DYNC2H1: variants seen among roughly 807,000 people sequenced by gnomAD.
DYNC2H1 encodes dynein cytoplasmic 2 heavy chain 1.
DYNC2H1 carries 410 observed loss-of-function variants against 570.0 expected under a neutral mutation model. The ratio of observed to expected loss-of-function variants is 0.72; its 90% CI spans 0.66 to 0.78. The LOEUF is 0.78. Among genes scored for constraint, DYNC2H1 ranks in the 30% least tolerant of loss-of-function variants. The pLI, the probability that DYNC2H1 is intolerant of heterozygous loss-of-function variation, is 0.00. For synonymous variants in DYNC2H1, 1,688 were observed against 1,677.6 expected, an observed-to-expected ratio of 1.01 and a Z score of -0.15; for missense variants, 4,865 against 5,046.4, an observed-to-expected ratio of 0.96 and a Z score of 1.09.
Position 103,135,818 on chromosome 11 carries a change from G to C in DYNC2H1, c.2444G>C (p.Gly815Ala). The C allele has an allele frequency of 6.2e-7, 1 of 1,613,298 alleles. No individual in the cohort carries two copies. Among genetic ancestry groups the C allele is most frequent in the Non-Finnish European group, 8.5e-7 (1 of 1,179,634 alleles). The change falls in exon 17 of 89, where the codon GGA becomes GCA. Residue 815 changes from glycine (G) to alanine (A), a missense_variant. Physicochemically the swap from Gly to Ala is moderately conservative, Grantham distance 60 (BLOSUM62 0). This residue lies in a region of DYNC2H1 where 1,936 missense variants were observed against 1,962.1 expected (regional missense o/e 0.99). Coordinates refer to ENST00000375735, the MANE Select transcript of DYNC2H1 (RefSeq NM_001377.3). ...RFIGIPNQFK[G>A]VGEAGDESIF... ...ATCGGCATTCCAAATCAGTTTAAGG[G>C]AGTGGGTGAGGCAGGAGATGAATCT...
At position 103,163,027 on chromosome 11, in the gene DYNC2H1, G is replaced by T; in HGVS notation, c.4492-1G>T. On this transcript the variant is annotated splice_acceptor_variant, in intron 29 of 88. Transcript: ENST00000375735. LOFTEE classifies it high-confidence loss of function. This position sits in a 1 kb window ranked among gnomAD's most constrained non-coding sequence, Gnocchi z 4.6. ...ATATTATTTTCCAATTTCTTTTTCA[G>T]ACATGGTTGAATGATTTGGCCTTAG... 1 of 1,607,732 alleles carries T rather than the reference G, an allele frequency of 6.2e-7. No individual in the cohort carries two copies. Among genetic ancestry groups the T allele is most frequent in the South Asian group, 1.1e-5 (1 of 89,858 alleles).
At chr11:103,196,780 T>TA (rs1387493292) in intron 47 of DYNC2H1, among the ~76,000 whole-genome samples, 2 of 152,270 alleles carry the variant, frequency 1.3e-5, no homozygotes, top group African/African-American at 4.8e-5. Context: ...CATGTTGGGA[T>TA]AATGATTGCA....
In DYNC2H1 at chr11:103,205,064, A is replaced by G; in HGVS notation, c.8454+100A>G. 3 of 1,045,830 alleles carry G rather than the reference A, an allele frequency of 2.9e-6. No homozygotes were observed. The highest frequency in any genetic ancestry group is 3.4e-5 in the South Asian group (2 of 58,384). The allele number at this position is 1,045,830 out of a possible 1,614,324, so 64.8% of individuals were successfully genotyped here. ...TGGTGTTGGTTATAACATCACCTTA[A>G]TTATGGCACCAAACATCTCTTATGT... On this transcript the variant is annotated intron_variant, in intron 52 of 88. Transcript: ENST00000375735. The surrounding 1 kb of genome is among the most constrained non-coding windows in gnomAD (Gnocchi z 4.5).
intron 70 of DYNC2H1, among the ~76,000 whole-genome samples, chr11:103,272,316 C>A (rs917108767): frequency 1.3e-5 from 2 of 152,038 alleles, no homozygotes; most frequent in Non-Finnish European, 2.9e-5. Flanking sequence ...AGCAAACTAT[C>A]GCAGGGACAA....
intron 83 of DYNC2H1, among the ~76,000 whole-genome samples, chr11:103,361,754 T>A (rs969913662): frequency 9.2e-5 from 14 of 151,880 alleles, no homozygotes; most frequent in African/African-American, 2.7e-4. Context: ...GAGAAAAAAA[T>A]TTAGAGTTAT....
At position 103,204,989 on chromosome 11, in the gene DYNC2H1, T is replaced by C; in HGVS notation, c.8454+25T>C. 6.5e-7 allele frequency: 1 copy of C among 1,535,874 alleles called. No homozygotes were observed. The highest frequency in any genetic ancestry group is 8.8e-7 in the Non-Finnish European group (1 of 1,141,262). ...AGTAAGTTTAACAAATATTAAAAAA[T>C]TTAAAAGCACATTTTATTTTTGAAG... On this transcript the variant is annotated intron_variant, in intron 52 of 88. Transcript: ENST00000375735. This position sits in a 1 kb window ranked among gnomAD's most constrained non-coding sequence, Gnocchi z 4.1.
chr11:103,231,012 C>T (rs1257653481), intron 59 of DYNC2H1, among the ~76,000 whole-genome samples: 1 of 151,962 alleles, frequency 6.6e-6, no homozygotes, highest in Non-Finnish European at 1.5e-5. Context: ...ATATGTTTAC[C>T]ATTTTTATCC....
rs1426919165 is a variant in DYNC2H1, at chr11:103,245,255, G to C, written c.9923G>C (p.Ser3308Thr). 1.3e-6 allele frequency: 2 copies of C among 1,532,986 alleles called. No homozygotes were observed. The highest frequency in any genetic ancestry group is 1.8e-6 in the Non-Finnish European group (2 of 1,135,938). The allele number at this position is 1,532,986 out of a possible 1,614,324, so 95.0% of individuals were successfully genotyped here. ...SRLEVINQQDSNFITALELAV... is the reference protein window; with the variant it reads ...SRLEVINQQDTNFITALELAV... Reference sequence around the variant, plus strand: ...TATTCTTTTTTATTCAATTAGGATAGTAACTTTATCACAGCTCTTGAATTA... The same window carrying C: ...TATTCTTTTTTATTCAATTAGGATACTAACTTTATCACAGCTCTTGAATTA... The change falls in exon 65 of 89, where the codon AGT (serine) becomes ACT (threonine). Residue 3308 changes from serine to threonine, a missense_variant. Physicochemically the swap from Ser to Thr is moderately conservative, Grantham distance 58. Transcript: ENST00000375735. The surrounding 1 kb of genome is among the most constrained non-coding windows in gnomAD (Gnocchi z 4.5).
At chr11:103,131,194 T>A (rs1859247701) in intron 13 of DYNC2H1, among the ~76,000 whole-genome samples, 1 of 152,160 alleles carries the variant, frequency 6.6e-6, no homozygotes, top group Non-Finnish European at 1.5e-5. Context: ...TGAAACCACT[T>A]CAGATGGTGT....
At chr11:103,148,401 T>C (rs1860351434) in intron 19 of DYNC2H1, 89 bp from the exon 20 acceptor site, 4 of 1,375,018 alleles carry the variant, frequency 2.9e-6, no homozygotes, top group Non-Finnish European at 4.0e-6. Context: ...TACTGATTAC[T>C]TCTACCACCC....
At chr11:103,430,505 G>A (rs1293340583) in intron 84 of DYNC2H1, among the ~76,000 whole-genome samples, 2 of 151,910 alleles carry the variant, frequency 1.3e-5, no homozygotes, top group African/African-American at 4.8e-5. Flanking sequence ...CCTGATTGCA[G>A]TTTCGTCTTC....
intron 54 of DYNC2H1, among the ~76,000 whole-genome samples, chr11:103,215,437 T>C (rs1356540284): frequency 6.6e-6 from 1 of 152,160 alleles, no homozygotes; most frequent in Non-Finnish European, 1.5e-5. Flanking sequence ...TCTGTTGATG[T>C]GATATATTAT....
intron 68 of DYNC2H1, 63 bp from the exon 69 acceptor site, chr11:103,257,545 G>T (rs1201862215): frequency 1.5e-5 from 21 of 1,447,022 alleles, no homozygotes; most frequent in South Asian, 6.7e-5. Flanking sequence ...GTCTTTAGGT[G>T]GCAGTAAAGC....
At chr11:103,450,276 G>T (rs1437962926) in intron 85 of DYNC2H1, among the ~76,000 whole-genome samples, 1 of 152,138 alleles carries the variant, frequency 6.6e-6, no homozygotes, top group East Asian at 1.9e-4. Context: ...TTCAACATAC[G>T]CCTCTCAGTA....
At chr11:103,298,105 T>C (rs888538671) in intron 75 of DYNC2H1, among the ~76,000 whole-genome samples, 2 of 152,158 alleles carry the variant, frequency 1.3e-5, no homozygotes, top group Non-Finnish European at 2.9e-5. Flanking sequence ...TGACATCTCA[T>C]CTTCTTCAGA....
chr11:103,475,445 G>T (rs1945520803), intron 88 of DYNC2H1, among the ~76,000 whole-genome samples: 1 of 152,122 alleles, frequency 6.6e-6, no homozygotes, highest in African/African-American at 2.4e-5. Context: ...ATTCAGTTAA[G>T]GAGTATTCAA....
rs772101394 is a variant in DYNC2H1 at position 103,253,437 on chromosome 11, T to G, written c.10195T>G (p.Leu3399Val). The G allele has an allele frequency of 8.1e-6, 13 of 1,612,750 alleles. No individual in the cohort carries two copies. The East Asian group carries it at 2.9e-4, about 36-fold the overall frequency. Residue 3399 changes from leucine (L) to valine (V), a missense_variant, in exon 66 of 89, where the codon TTA becomes GTA. This residue lies in a region of DYNC2H1 where 2,401 missense variants were observed against 2,454.6 expected (regional missense o/e 0.98). Coordinates refer to ENST00000375735, the MANE Select transcript of DYNC2H1 (RefSeq NM_001377.3). ...TAACTTTACTACAACAAGAAGTGGA[T>G]TACGAGGGCAGGTATACATAGATAA... ...EVNFTTTRSG[L>V]RGQLLALTIQ...
At position 103,307,794 on chromosome 11, in the gene DYNC2H1, C is replaced by A. The variant is rs1867366780; in HGVS notation, c.11456C>A (p.Pro3819His). The A allele has an allele frequency of 1.2e-5, 19 of 1,603,610 alleles. No homozygotes were observed. Among genetic ancestry groups the A allele is most frequent in the Non-Finnish European group, 1.6e-5 (19 of 1,174,168 alleles). ...LTAEVHPNFT[P>H]ILLQSSLKIT... ...GCAGAAGTTCATCCCAACTTTACTC[C>A]TATTTTACTACAGTCAAGTCTGAAG... Residue 3819 changes from proline to histidine, a missense_variant, in exon 78 of 89, where the codon CCT becomes CAT. Coordinates refer to ENST00000375735, the MANE Select transcript of DYNC2H1 (RefSeq NM_001377.3).
chr11:103,220,954 T>C (rs2135150708), intron 57 of DYNC2H1, among the ~76,000 whole-genome samples, 171 bp downstream of exon 57: 1 of 152,294 alleles, frequency 6.6e-6, no homozygotes, highest in East Asian at 1.9e-4. Context: ...TCAAGATCTA[T>C]ATATTCCTTT....
Sources: gnomAD v4.1 joint callset for allele counts (sites outside exome capture counted in the v4.1 genomes callset) on GRCh38, gnomAD v4.1.1 for gene constraint, gnomAD v4.1.1 regional missense constraint, Gnocchi (gnomAD v3.1) non-coding constraint, MANE v1.5 for transcripts, NCBI Gene and HGNC (gene_info 2026-07-23, HGNC 2026-07-21) for gene names.